ZNF469: variants seen among roughly 807,000 people sequenced by gnomAD.
ZNF469 encodes the protein zinc finger protein 469.
A neutral mutation model predicts 1.0 loss-of-function variants in ZNF469; 1 was observed. The ratio of observed to expected loss-of-function variants is 1.00; its 90% CI spans 0.35 to 4.73. The LOEUF (loss-of-function observed/expected upper bound fraction) is 4.73, where lower values mean the gene tolerates loss of function less well. Among genes scored for constraint, ZNF469 ranks in the 30% most tolerant of loss-of-function variants. The pLI is 0.16. For synonymous variants in ZNF469, 2,703 were observed against 2,363.4 expected, an observed-to-expected ratio of 1.14 and a Z score of -4.17; for missense variants, 6,100 against 5,356.3, an observed-to-expected ratio of 1.14 and a Z score of -4.33.
chr16:88,203,877 G>A, the ZNF469 span, among the ~76,000 whole-genome samples: 1,107 of 152,298 alleles, frequency 7.3e-3, 17 homozygotes, highest in African/African-American at 0.026. Context: ...ACACTCACAC[G>A]GGTCGGGGGT....
the ZNF469 span, among the ~76,000 whole-genome samples, chr16:88,168,184 A>G: frequency 2.0e-5 from 3 of 152,222 alleles, no homozygotes; most frequent in Non-Finnish European, 4.4e-5. This position sits in a 1 kb window ranked among gnomAD's most constrained non-coding sequence, Gnocchi z 4.3. Flanking sequence ...TTTTGAGCCA[A>G]GAGTTAACAG....
chr16:88,354,687 G>T, the ZNF469 span, among the ~76,000 whole-genome samples: 19 of 152,158 alleles, frequency 1.2e-4, no homozygotes, highest in Non-Finnish European at 1.3e-4. Flanking sequence ...GTGTCTAAAC[G>T]CTCTTTGAAT....
rs554114091 is a variant in ZNF469 at position 88,439,421 on chromosome 16, C to T, written c.*89C>T. ...AGCTCCGGCTCCCTGAGATGGTCCA[C>T]TCTGTGGCCACTTGACTTCTTGTGC... On this transcript the variant is annotated 3_prime_UTR_variant, in exon 3 of 3. Transcript: ENST00000565624. 6 of 1,411,904 alleles carry T rather than the reference C, an allele frequency of 4.2e-6. No homozygotes were observed. The South Asian group carries it at 5.0e-5, about 12-fold the overall frequency. The allele number at this position is 1,411,904 out of a possible 1,614,324, so 87.5% of individuals were successfully genotyped here. A position where few individuals can be genotyped will look rare whatever the true frequency, so the allele number is the denominator to read the frequency against.
the ZNF469 span, among the ~76,000 whole-genome samples, chr16:88,110,216 A>C: frequency 6.6e-6 from 1 of 152,206 alleles, no homozygotes; most frequent in African/African-American, 2.4e-5. Context: ...TACCCGTCAG[A>C]ACCCCCTGGA....
chr16:88,436,544 G>C lies in ZNF469; in HGVS notation c.9074G>C (p.Arg3025Thr). The C allele has an allele frequency of 6.5e-7, 1 of 1,549,620 alleles. No individual in the cohort carries two copies. The highest frequency in any genetic ancestry group is 8.7e-7 in the Non-Finnish European group (1 of 1,146,934). Reference protein sequence around the residue: ...DVSPEPPSLERERCDGGLPGN... With the variant: ...DVSPEPPSLETERCDGGLPGN... Reference sequence around the variant, plus strand: ...AGCCCCGAGCCCCCCAGCCTGGAGAGAGAACGCTGTGACGGTGGGCTTCCC... The same window carrying C: ...AGCCCCGAGCCCCCCAGCCTGGAGACAGAACGCTGTGACGGTGGGCTTCCC... The change falls in exon 3 of 3, where the codon AGA (arginine) becomes ACA (threonine). Residue 3025 changes from arginine to threonine, a missense_variant. Transcript: ENST00000565624.
chr16:88,437,490 C>G lies in ZNF469; in HGVS notation c.10020C>G (p.His3340Gln), dbSNP rs1322807867. The change falls in exon 3 of 3, where the codon CAC becomes CAG. Residue 3340 changes from histidine (H) to glutamine (Q), a missense_variant. Coordinates refer to ENST00000565624, the MANE Select transcript of ZNF469 (RefSeq NM_001367624.2). ...GCAAGGACCCCTCCCGCGACTGCCA[C>G]CACTGCGGGAAGCGCTTCCCCAAGC... ...EACKDPSRDC[H>Q]HCGKRFPKPF... The G allele has an allele frequency of 6.5e-7, 1 of 1,539,160 alleles. No homozygotes were observed. The highest frequency in any genetic ancestry group is 2.5e-5 in the East Asian group (1 of 40,320).
chr16:88,219,683 C>G, the ZNF469 span, among the ~76,000 whole-genome samples: 2 of 152,120 alleles, frequency 1.3e-5, no homozygotes, highest in Non-Finnish European at 2.9e-5. Context: ...AAAACCTAGG[C>G]ATTACCATTC....
At chr16:88,326,105 C>G in the ZNF469 span, among the ~76,000 whole-genome samples, 3 of 152,194 alleles carry the variant, frequency 2.0e-5, no homozygotes, top group African/African-American at 7.2e-5. Flanking sequence ...GGTCTCAGAG[C>G]CTTTGTGATA....
intron 1 of ZNF469, among the ~76,000 whole-genome samples, chr16:88,392,778 C>A (rs1460797584): frequency 6.6e-6 from 1 of 152,250 alleles, no homozygotes; most frequent in African/African-American, 2.4e-5. Flanking sequence ...TCTTGGAAGA[C>A]TCCTATTCAT....
chr16:88,275,358 A>G, the ZNF469 span, among the ~76,000 whole-genome samples: 2 of 152,110 alleles, frequency 1.3e-5, no homozygotes, highest in Non-Finnish European at 2.9e-5. Context: ...GAGACAAGAA[A>G]ACATGTCTTT....
chr16:88,340,175 T>TGCACGGCAGTCCAGGCCG, the ZNF469 span, among the ~76,000 whole-genome samples: 1 of 152,292 alleles, frequency 6.6e-6, no homozygotes, highest in Non-Finnish European at 1.5e-5. Context: ...GTGCCTCCCC[T>TGCACGGCAGTCCAGGCCG]GCACGGCAGT....
At chr16:88,208,809 T>A in the ZNF469 span, among the ~76,000 whole-genome samples, 85,578 of 120,764 alleles carry the variant, frequency 0.71, 28,172 homozygotes, top group Non-Finnish European at 0.78. Context: ...ACACACTCTC[T>A]CTCTCTCTCT....
chr16:88,248,420 T>TC, the ZNF469 span, among the ~76,000 whole-genome samples: 1 of 151,820 alleles, frequency 6.6e-6, no homozygotes, highest in Non-Finnish European at 1.5e-5. Context: ...CTCTAAAAAT[T>TC]CCCCCCAACT....
the ZNF469 span, among the ~76,000 whole-genome samples, chr16:88,328,537 G>A: frequency 6.6e-6 from 1 of 152,234 alleles, no homozygotes; most frequent in Non-Finnish European, 1.5e-5. Context: ...GTGCTCTGTG[G>A]GGAAGCTGAT....
At chr16:88,154,218 C>T in the ZNF469 span, among the ~76,000 whole-genome samples, 1 of 152,174 alleles carries the variant, frequency 6.6e-6, no homozygotes, top group Admixed American at 6.5e-5. Context: ...AGTGCAGTGG[C>T]GTGATCTCGG....
the ZNF469 span, among the ~76,000 whole-genome samples, chr16:88,122,173 A>G: frequency 1.0e-4 from 15 of 146,782 alleles, no homozygotes; most frequent in Middle Eastern, 0.01. Context: ...TGGCCACGGC[A>G]ACCACTCGGA....
At chr16:88,176,814 G>T in the ZNF469 span, among the ~76,000 whole-genome samples, 1 of 152,234 alleles carries the variant, frequency 6.6e-6, no homozygotes, top group Non-Finnish European at 1.5e-5. Context: ...CAGTAAGTTT[G>T]GGTCAAAAGA....
the ZNF469 span, among the ~76,000 whole-genome samples, chr16:88,197,282 C>A: frequency 6.6e-6 from 1 of 152,160 alleles, no homozygotes; most frequent in African/African-American, 2.4e-5. Flanking sequence ...CCATGGCTCA[C>A]CGCGGGATCC....
the ZNF469 span, among the ~76,000 whole-genome samples, chr16:88,253,330 G>C: frequency 6.6e-6 from 1 of 152,162 alleles, no homozygotes; most frequent in African/African-American, 2.4e-5. Flanking sequence ...GAGGGACCTG[G>C]TTGTCCCGCT....
Sources: gnomAD v4.1 joint callset for allele counts (sites outside exome capture counted in the v4.1 genomes callset) on GRCh38, gnomAD v4.1.1 for gene constraint, Gnocchi (gnomAD v3.1) non-coding constraint, MANE v1.5 for transcripts, NCBI Gene and HGNC (gene_info 2026-07-23, HGNC 2026-07-21) for gene names.